Variants in IPCEF1 observed in about 807,000 individuals in gnomAD.
The protein encoded by IPCEF1 is interactor protein for cytohesin exchange factors 1.
IPCEF1 carries 31 observed loss-of-function variants against 50.9 expected under a neutral mutation model. The ratio of observed to expected loss-of-function variants is 0.61; its 90% CI spans 0.46 to 0.82. The LOEUF (loss-of-function observed/expected upper bound fraction) is 0.82. IPCEF1 is among the 40% of genes least tolerant of loss of function. The probability of loss-of-function intolerance (pLI) is 0.00; values close to 1 mark genes in which losing one functional copy is unlikely to be tolerated. For synonymous variants in IPCEF1, 181 were observed against 192.0 expected, an observed-to-expected ratio of 0.94 and a Z score of 0.47; for missense variants, 458 against 514.0, an observed-to-expected ratio of 0.89 and a Z score of 1.05.
In IPCEF1 at chr6:154,167,943, G is replaced by T. The variant is rs1398041653; in HGVS notation, c.1081C>A (p.Arg361=). 1.9e-6 allele frequency: 3 copies of T among 1,596,482 alleles called. No individual in the cohort carries two copies. In the South Asian group the frequency reaches 3.3e-5, roughly 18 times the overall value. Residue 361 remains arginine (R), a synonymous_variant, in exon 11 of 12, where the codon CGA becomes AGA. Transcript: ENST00000367220. ...PSINEKLHKI[R]TLNSTLKCKE... is the part of the protein sequence containing the mutation. ...ACCTTTAATGTGCTATTCAATGTTC[G>T]GATTTTGTGGAGTTTCTCGTTTATA...
intron 5 of IPCEF1, among the ~76,000 whole-genome samples, chr6:154,223,803 T>C (rs1779047390): frequency 6.6e-6 from 1 of 152,238 alleles, no homozygotes; most frequent in Non-Finnish European, 1.5e-5. Flanking sequence ...CTCCCAAGTC[T>C]GTAGGCAGGG....
rs372252392 is a variant in IPCEF1 at position 154,352,893 on chromosome 6, ATAT to A, written c.-62+3776_-62+3778del. The stretch of plus-strand genomic sequence containing the variant: ...TTCCCTAAGAAATGTATTAACAATT[ATAT>A]TGGGAGATTTAAATTTAACTTATAA... On this transcript the variant is annotated intron_variant, in intron 1 of 11. Coordinates refer to ENST00000367220, the MANE Select transcript of IPCEF1 (RefSeq NM_001130700.2). Among the ~76,000 whole-genome samples, 1,129 of 152,384 alleles carry A rather than the reference ATAT, an allele frequency of 7.4e-3. 12 individuals carry two copies. Among genetic ancestry groups the A allele is most frequent in the African/African-American group, 0.026 (1,074 of 41,586 alleles).
intron 5 of IPCEF1, among the ~76,000 whole-genome samples, chr6:154,237,187 A>G (rs1490059532): frequency 6.6e-6 from 1 of 152,056 alleles, no homozygotes; most frequent in Admixed American, 6.6e-5. Context: ...AAATCCTCAA[A>G]CCTAATGAAA....
chr6:154,254,539 T>C (rs964623830), intron 3 of IPCEF1, among the ~76,000 whole-genome samples: 1 of 152,204 alleles, frequency 6.6e-6, no homozygotes, highest in Admixed American at 6.5e-5. Context: ...TCCCTCAACA[T>C]GCAGAGATTA....
chr6:154,182,637 T>G (rs911356778), intron 10 of IPCEF1, among the ~76,000 whole-genome samples: 3 of 152,210 alleles, frequency 2.0e-5, no homozygotes, highest in Non-Finnish European at 4.4e-5. Flanking sequence ...CGCCTTTTTT[T>G]CTTCTTAAAA....
intron 2 of IPCEF1, among the ~76,000 whole-genome samples, chr6:154,267,280 C>T (rs980704673): frequency 6.6e-6 from 1 of 151,690 alleles, no homozygotes; most frequent in African/African-American, 2.4e-5. Flanking sequence ...AATAGAAGAA[C>T]AAATAAAGGA....
At chr6:154,350,173 T>C (rs1052979651) in intron 1 of IPCEF1, among the ~76,000 whole-genome samples, 11 of 152,222 alleles carry the variant, frequency 7.2e-5, no homozygotes, top group Non-Finnish European at 7.3e-5. Flanking sequence ...AGTTTCCACT[T>C]GCTGTACACT....
intron 1 of IPCEF1, among the ~76,000 whole-genome samples, chr6:154,353,789 G>A (rs1784157845): frequency 6.6e-6 from 1 of 152,128 alleles, no homozygotes; most frequent in Non-Finnish European, 1.5e-5. Flanking sequence ...TTTTTACATA[G>A]TTGAAAAAGT....
chr6:154,190,053 T>C (rs1801732892), intron 10 of IPCEF1, among the ~76,000 whole-genome samples: 1 of 152,150 alleles, frequency 6.6e-6, no homozygotes, highest in Admixed American at 6.5e-5. Flanking sequence ...TTGTAGACAA[T>C]AATGTATCAT....
intron 9 of IPCEF1, among the ~76,000 whole-genome samples, chr6:154,201,346 A>C (rs1164847697): frequency 1.3e-5 from 2 of 152,196 alleles, no homozygotes; most frequent in African/African-American, 4.8e-5. Context: ...GTGACAGTAC[A>C]TATAAGCCTT....
chr6:154,290,246 G>A (rs939428073), intron 1 of IPCEF1, among the ~76,000 whole-genome samples: 1 of 152,130 alleles, frequency 6.6e-6, no homozygotes, highest in Non-Finnish European at 1.5e-5. Context: ...TGCCTCAAGT[G>A]AGCATGCATG....
intron 3 of IPCEF1, among the ~76,000 whole-genome samples, chr6:154,248,128 A>G (rs1781205589): frequency 6.6e-6 from 1 of 152,184 alleles, no homozygotes; most frequent in Non-Finnish European, 1.5e-5. Context: ...ATATCTCTGA[A>G]TATTTCTCAC....
chr6:154,269,923 C>A (rs1319211575), intron 2 of IPCEF1, among the ~76,000 whole-genome samples: 1 of 152,152 alleles, frequency 6.6e-6, no homozygotes, highest in Non-Finnish European at 1.5e-5. Context: ...AAATAGGTAG[C>A]TCCAAGGTTT....
intron 1 of IPCEF1, among the ~76,000 whole-genome samples, chr6:154,346,669 C>T (rs548492754): frequency 4.6e-5 from 7 of 152,194 alleles, no homozygotes; most frequent in Non-Finnish European, 4.4e-5. Context: ...GGGAAGCAAA[C>T]ATGTCCTTCT....
chr6:154,315,319 G>T (rs1318131842), intron 1 of IPCEF1, among the ~76,000 whole-genome samples: 3 of 152,136 alleles, frequency 2.0e-5, no homozygotes, highest in African/African-American at 7.2e-5. Flanking sequence ...TATTTGTAGG[G>T]CCAGAGCATT....
At chr6:154,172,420 T>C (rs370966085) in intron 10 of IPCEF1, among the ~76,000 whole-genome samples, 52 of 152,262 alleles carry the variant, frequency 3.4e-4, no homozygotes, top group African/African-American at 1.2e-3. Context: ...CCTGGAGGAA[T>C]GATACACTTC....
chr6:154,199,238 C>T (rs533093345), intron 10 of IPCEF1, among the ~76,000 whole-genome samples: 1 of 152,346 alleles, frequency 6.6e-6, no homozygotes, highest in East Asian at 1.9e-4. Context: ...GAATTAGATA[C>T]TGTCTGGGGC....
intron 5 of IPCEF1, among the ~76,000 whole-genome samples, chr6:154,232,411 G>A (rs1405385911): frequency 6.6e-6 from 1 of 152,200 alleles, no homozygotes; most frequent in East Asian, 1.9e-4. Context: ...ATATGCCAGT[G>A]AGGTAGTACT....
chr6:154,173,245 A>T (rs1207328167), intron 10 of IPCEF1, among the ~76,000 whole-genome samples: 1 of 152,164 alleles, frequency 6.6e-6, no homozygotes, highest in Non-Finnish European at 1.5e-5. Flanking sequence ...AATTCCAAAA[A>T]CCAGAACACC....
Sources: gnomAD v4.1 joint callset for allele counts (sites outside exome capture counted in the v4.1 genomes callset) on GRCh38, gnomAD v4.1.1 for gene constraint, MANE v1.5 for transcripts, NCBI Gene and HGNC (gene_info 2026-07-23, HGNC 2026-07-21) for gene names.